Variants in PRKCA observed in about 807,000 individuals in gnomAD.
The protein encoded by PRKCA is protein kinase C alpha type.
Under a neutral mutation model 87.0 loss-of-function variants are expected in PRKCA, and 27 were observed. The ratio of observed to expected loss-of-function variants is 0.31; its 90% CI spans 0.23 to 0.43. PRKCA has a LOEUF of 0.43. PRKCA is among the 20% of genes least tolerant of loss of function. PRKCA has a pLI of 1.00. For missense variants in PRKCA, 518 were observed against 852.3 expected (o/e 0.61, Z 4.88); for synonymous variants, 329 against 311.1 (o/e 1.06, Z -0.61).
At chr17:66,368,963 G>A (rs1331079364) in intron 2 of PRKCA, among the ~76,000 whole-genome samples, 3 of 152,142 alleles carry the variant, frequency 2.0e-5, no homozygotes, top group African/African-American at 2.4e-5. Flanking sequence ...TAGATCGTGA[G>A]GGGGGTTGAC....
chr17:66,788,651 C>A (rs1205502611), intron 15 of PRKCA, among the ~76,000 whole-genome samples, 188 bp from the exon 16 acceptor site: 1 of 152,180 alleles, frequency 6.6e-6, no homozygotes, highest in Non-Finnish European at 1.5e-5. Context: ...AAGGGCTATT[C>A]TTGCCAATGT....
intron 2 of PRKCA, among the ~76,000 whole-genome samples, chr17:66,379,213 A>G (rs558160938): frequency 4.6e-5 from 7 of 152,276 alleles, no homozygotes; most frequent in Non-Finnish European, 5.9e-5. Flanking sequence ...TGTGGTTAAC[A>G]TTTTAAGGAA....
intron 2 of PRKCA, among the ~76,000 whole-genome samples, chr17:66,458,719 G>A (rs981063720): frequency 1.3e-5 from 2 of 152,088 alleles, no homozygotes; most frequent in Non-Finnish European, 2.9e-5. Context: ...GAGCTCAGGT[G>A]GTCCGCCCAC....
At chr17:66,648,849 T>C (rs1296217696) in intron 5 of PRKCA, among the ~76,000 whole-genome samples, 3 of 152,216 alleles carry the variant, frequency 2.0e-5, no homozygotes, top group Non-Finnish European at 2.9e-5. Context: ...TCCCAGCACT[T>C]TGGGAGGCCG....
chr17:66,522,221 C>A (rs1224467521), intron 3 of PRKCA, among the ~76,000 whole-genome samples: 2 of 152,334 alleles, frequency 1.3e-5, no homozygotes, highest in East Asian at 3.9e-4. Context: ...CTGGTGGATA[C>A]CCCGAATGGC....
chr17:66,784,935 A>G (rs1975341503), intron 14 of PRKCA, among the ~76,000 whole-genome samples: 1 of 152,210 alleles, frequency 6.6e-6, no homozygotes, highest in Non-Finnish European at 1.5e-5. Context: ...TGCTGTGGCC[A>G]GCTGCCCCTG....
At chr17:66,391,124 C>T (rs189096043) in intron 2 of PRKCA, among the ~76,000 whole-genome samples, 5 of 152,264 alleles carry the variant, frequency 3.3e-5, no homozygotes, top group East Asian at 3.9e-4. Context: ...CAGTCCCCTG[C>T]GTGCTGCGAG....
chr17:66,670,824 T>C (rs1264676366), intron 5 of PRKCA, among the ~76,000 whole-genome samples: 1 of 151,914 alleles, frequency 6.6e-6, no homozygotes, highest in Admixed American at 6.6e-5. Context: ...ATCACACTAC[T>C]ACACTCCAGC....
chr17:66,682,457 A>C (rs1972517798), intron 5 of PRKCA, among the ~76,000 whole-genome samples: 1 of 152,258 alleles, frequency 6.6e-6, no homozygotes, highest in Non-Finnish European at 1.5e-5. Flanking sequence ...CCTCCTCATA[A>C]AGGCTGCAGA....
chr17:66,306,077 T>C lies in PRKCA; in HGVS notation c.174-19T>C, dbSNP rs1291506193. 6.2e-7 allele frequency: 1 copy of C among 1,611,732 alleles called. No individual in the cohort carries two copies. ...CAGAAAATATGTTAAGATATTTTGT[T>C]CTTGTTTTTGTTTTTCAGGGGGTTT... On this transcript the variant is annotated intron_variant, in intron 1 of 16. Transcript: ENST00000413366.
rs1004200748 is a variant in PRKCA, at chr17:66,474,301, A to G, written c.206-21900A>G. Among the ~76,000 whole-genome samples the G allele has an allele frequency of 2.3e-4, 35 of 152,312 alleles. 1 individual carries two copies. The stretch of plus-strand genomic sequence containing the variant: ...TGTCTCTGTTTTCTTGTATATGTGC[A>G]TGCATGAACAAGAGCTTTAAAAATT... On this transcript the variant is annotated intron_variant, in intron 2 of 16. Transcript: ENST00000413366.
intron 5 of PRKCA, among the ~76,000 whole-genome samples, chr17:66,683,845 C>T (rs1972556277): frequency 6.6e-6 from 1 of 152,172 alleles, no homozygotes; most frequent in African/African-American, 2.4e-5. Context: ...TGTGATCCAC[C>T]TGCCTCAGCC....
At chr17:66,497,686 A>G (rs912186731) in intron 3 of PRKCA, among the ~76,000 whole-genome samples, 2 of 152,160 alleles carry the variant, frequency 1.3e-5, no homozygotes, top group Non-Finnish European at 2.9e-5. Context: ...TAGTCACTCA[A>G]ATTGTGTGCT....
chr17:66,776,659 G>A (rs1218290835), intron 14 of PRKCA, among the ~76,000 whole-genome samples: 1 of 152,134 alleles, frequency 6.6e-6, no homozygotes, highest in African/African-American at 2.4e-5. Flanking sequence ...TTTCAAGCAG[G>A]AGCAAAAGGA....
intron 2 of PRKCA, among the ~76,000 whole-genome samples, chr17:66,312,605 T>C (rs1012072984): frequency 2.0e-5 from 3 of 152,214 alleles, no homozygotes; most frequent in Admixed American, 6.5e-5. Flanking sequence ...AGAAAGTGCT[T>C]GTTTCAATTC....
intron 2 of PRKCA, among the ~76,000 whole-genome samples, chr17:66,464,566 T>G (rs1448542843): frequency 1.3e-5 from 2 of 152,220 alleles, no homozygotes; most frequent in African/African-American, 2.4e-5. Context: ...TTGGCCATTC[T>G]AATAGGTGTG....
At chr17:66,564,041 CCTTCCTTTCTTCCTTTT>C (rs1282840310) in intron 3 of PRKCA, among the ~76,000 whole-genome samples, 5 of 149,386 alleles carry the variant, frequency 3.3e-5, no homozygotes, top group East Asian at 2.0e-4. Flanking sequence ...TTCCTCTCTT[CCTTCCTTTCTTCCTTTT>C]CTTCCTTTCT....
chr17:66,520,809 T>C (rs777449096), intron 3 of PRKCA, among the ~76,000 whole-genome samples: 3 of 152,134 alleles, frequency 2.0e-5, no homozygotes, highest in Non-Finnish European at 4.4e-5. Flanking sequence ...AAAGATTTCT[T>C]CCTAAACTTA....
intron 2 of PRKCA, among the ~76,000 whole-genome samples, chr17:66,482,658 C>A (rs765418278): frequency 7.2e-5 from 11 of 152,226 alleles, no homozygotes; most frequent in Non-Finnish European, 1.3e-4. Flanking sequence ...GCAAGCATCA[C>A]TTGTATGTGG....
Sources: gnomAD v4.1 joint callset for allele counts (sites outside exome capture counted in the v4.1 genomes callset) on GRCh38, gnomAD v4.1.1 for gene constraint, MANE v1.5 for transcripts, NCBI Gene and HGNC (gene_info 2026-07-23, HGNC 2026-07-21) for gene names.